Variants in RMDN2 observed in about 807,000 individuals in gnomAD.
RMDN2 encodes regulator of microtubule dynamics protein 2.
Under a neutral mutation model 52.8 loss-of-function variants are expected in RMDN2, and 61 were observed. The observed-to-expected ratio is 1.16, with a 90% CI of 0.94 to 1.43. The LOEUF (loss-of-function observed/expected upper bound fraction) is 1.43, where lower values mean the gene tolerates loss of function less well. Among genes scored for constraint, RMDN2 ranks in the 40% most tolerant of loss-of-function variants. RMDN2 has a pLI of 0.00. For missense variants in RMDN2, 592 were observed against 475.3 expected (o/e 1.25, Z -2.28); for synonymous variants, 180 against 153.1 (o/e 1.18, Z -1.30).
At chr2:38,052,128 C>T (rs1203679258) in intron 10 of RMDN2, among the ~76,000 whole-genome samples, 1 of 152,156 alleles carries the variant, frequency 6.6e-6, no homozygotes, top group Non-Finnish European at 1.5e-5. Flanking sequence ...AATTTACATT[C>T]CCACCAACAG....
chr2:37,942,344 G>A (rs184050591), intron 2 of RMDN2, among the ~76,000 whole-genome samples: 9 of 152,212 alleles, frequency 5.9e-5, no homozygotes, highest in East Asian at 5.8e-4. Context: ...GTTTCTATTC[G>A]ACCATCTTGC....
chr2:37,978,389 G>C (rs1672842456), intron 4 of RMDN2, among the ~76,000 whole-genome samples: 1 of 151,920 alleles, frequency 6.6e-6, no homozygotes, highest in Non-Finnish European at 1.5e-5. Context: ...CCCTACCCTG[G>C]GTATTATGTA....
At chr2:37,951,009 T>C (rs1367321959) in intron 2 of RMDN2, among the ~76,000 whole-genome samples, 1 of 152,132 alleles carries the variant, frequency 6.6e-6, no homozygotes, top group East Asian at 1.9e-4. Context: ...AGGTACTGTG[T>C]AGGTAGAGAT....
intron 2 of RMDN2, among the ~76,000 whole-genome samples, chr2:37,937,184 T>C (rs188594114): frequency 1.9e-3 from 296 of 152,322 alleles, no homozygotes; most frequent in African/African-American, 6.5e-3. Context: ...TTGCTGTTTT[T>C]GTCAGGTTTG....
chr2:38,024,752 A>G (rs1034252776), intron 10 of RMDN2, among the ~76,000 whole-genome samples: 4 of 152,174 alleles, frequency 2.6e-5, no homozygotes, highest in African/African-American at 4.8e-5. Flanking sequence ...TCTATAACAT[A>G]TCTAATGAAG....
rs141463925 is a variant in RMDN2, at chr2:37,996,039, C to T, written c.946-1377C>T. Among the ~76,000 whole-genome samples the T allele has an allele frequency of 1.2e-4, 18 of 152,208 alleles. No homozygotes were observed. In the East Asian group the frequency reaches 1.7e-3, roughly 15 times the overall value. On this transcript the variant is annotated intron_variant, in intron 7 of 10. Transcript: ENST00000354545. ...TTTGACTGTTTGCCTGCCATGTGAT[C>T]GTGCCTACCCTACAGAGACTCACAA...
chr2:38,041,427 G>GTTTTTTTTTTTTTTTTTTTTTTTGTTTT (rs3057329), intron 10 of RMDN2, among the ~76,000 whole-genome samples: 2 of 120,090 alleles, frequency 1.7e-5, no homozygotes, highest in African/African-American at 3.2e-5. Context: ...TTTTTTATTG[G>GTTTTTTTTTTTTTTTTTTTTTTTGTTTT]TTTTTTTTTT....
chr2:38,014,802 G>C (rs968763498), intron 10 of RMDN2, among the ~76,000 whole-genome samples: 1 of 152,094 alleles, frequency 6.6e-6, no homozygotes, highest in African/African-American at 2.4e-5. Context: ...GTGATACAAA[G>C]AGAAAAAAAC....
rs1676734318 is a variant in RMDN2, at chr2:38,004,122, T to C, written c.1099-14T>C. ...AACGGATTATGTTTAATATTGGTTA[T>C]TTCTCATTTCCAGTGTTATACTGAT... On this transcript the variant is annotated splice_polypyrimidine_tract_variant and intron_variant, in intron 9 of 10. Transcript: ENST00000354545. 1.9e-6 allele frequency: 3 copies of C among 1,612,572 alleles called. No individual in the cohort carries two copies. The highest frequency in any genetic ancestry group is 2.5e-6 in the Non-Finnish European group (3 of 1,178,706).
At position 38,017,440 on chromosome 2, in the gene RMDN2, T is replaced by C. The variant is rs1055490096; in HGVS notation, c.*201T>C. On this transcript the variant is annotated 3_prime_UTR_variant, in exon 11 of 11. Coordinates refer to ENST00000354545, the MANE Select transcript of RMDN2 (RefSeq NM_001170791.3). Reference sequence around the variant, plus strand: ...TATTTGGAGAATCTATATACTATAATGTCAATACATAATCTATAAACATGT... The same window carrying C: ...TATTTGGAGAATCTATATACTATAACGTCAATACATAATCTATAAACATGT... 2 of 1,223,168 alleles carry C rather than the reference T, an allele frequency of 1.6e-6. No individual in the cohort carries two copies. Among genetic ancestry groups the C allele is most frequent in the South Asian group, 1.8e-5 (1 of 54,476 alleles). The allele number at this position is 1,223,168 out of a possible 1,614,324, so 75.8% of individuals were successfully genotyped here. A position where few individuals can be genotyped will look rare whatever the true frequency, so the allele number is the denominator to read the frequency against.
intron 2 of RMDN2, chr2:37,950,365 G>A (rs1387972871): frequency 9.5e-6 from 13 of 1,365,118 alleles, no homozygotes; most frequent in East Asian, 4.9e-5. Context: ...TTCCAACTTC[G>A]GAGAAAGGTG....
intron 2 of RMDN2, among the ~76,000 whole-genome samples, chr2:37,953,797 T>C (rs1669131955): frequency 6.6e-6 from 1 of 152,086 alleles, no homozygotes; most frequent in Non-Finnish European, 1.5e-5. Flanking sequence ...TGCACCATTT[T>C]ACATTTGCAC....
chr2:38,023,981 C>G (rs1361933775), intron 10 of RMDN2, among the ~76,000 whole-genome samples: 2 of 152,124 alleles, frequency 1.3e-5, no homozygotes, highest in Admixed American at 6.5e-5. Flanking sequence ...AACAACTGAT[C>G]TGCTTTCTGT....
At chr2:38,067,096 T>C in exon 11 of RMDN2, 1 of 1,088,428 alleles carries the variant, frequency 9.2e-7, no homozygotes. Flanking sequence ...TCAAGTATTT[T>C]TACCAAGTAA....
At chr2:37,945,077 A>G (rs992987565) in intron 2 of RMDN2, among the ~76,000 whole-genome samples, 1 of 152,224 alleles carries the variant, frequency 6.6e-6, no homozygotes, top group African/African-American at 2.4e-5. Flanking sequence ...TAAGCTCAAG[A>G]TAGTATCTGG....
At chr2:38,013,854 G>C (rs1459816624) in intron 10 of RMDN2, among the ~76,000 whole-genome samples, 1 of 152,100 alleles carries the variant, frequency 6.6e-6, no homozygotes, top group Non-Finnish European at 1.5e-5. Flanking sequence ...CTTATTTCTT[G>C]TAAATTAACT....
chr2:37,943,403 G>C (rs762134339), intron 2 of RMDN2, among the ~76,000 whole-genome samples: 1 of 152,152 alleles, frequency 6.6e-6, no homozygotes, highest in Non-Finnish European at 1.5e-5. Flanking sequence ...GAATCTTTCT[G>C]ATCCAAGCAG....
chr2:37,964,394 G>T (rs1330385971), intron 2 of RMDN2, among the ~76,000 whole-genome samples: 1 of 152,124 alleles, frequency 6.6e-6, no homozygotes, highest in South Asian at 2.1e-4. Context: ...ATTTTCATTT[G>T]ACTCAAGATG....
intron 10 of RMDN2, chr2:38,027,172 C>G (rs1371058919): frequency 6.6e-6 from 1 of 152,244 alleles, no homozygotes; most frequent in African/African-American, 2.4e-5. Flanking sequence ...AGCCTCAGCT[C>G]TGTCTTTCCT....
Sources: gnomAD v4.1 joint callset for allele counts (sites outside exome capture counted in the v4.1 genomes callset) on GRCh38, gnomAD v4.1.1 for gene constraint, MANE v1.5 for transcripts, NCBI Gene and HGNC (gene_info 2026-07-23, HGNC 2026-07-21) for gene names.